Variants in CFAP90 observed in about 807,000 individuals in gnomAD.
CFAP90 encodes cilia and flagella associated protein 90, also known as cilia- and flagella-associated protein 90.
chr5:7,842,056 G>C, the CFAP90 span, among the ~76,000 whole-genome samples: 6 of 152,096 alleles, frequency 3.9e-5, no homozygotes, highest in African/African-American at 1.4e-4. Context: ...AGAAATTTCT[G>C]TTGTTTTAAG....
chr5:7,835,962 T>C, the CFAP90 span, among the ~76,000 whole-genome samples: 2 of 152,200 alleles, frequency 1.3e-5, no homozygotes, highest in South Asian at 2.1e-4. Flanking sequence ...CCCTGTGAGA[T>C]TGGGTGTCAG....
the CFAP90 span, among the ~76,000 whole-genome samples, chr5:7,842,058 T>C: frequency 6.6e-6 from 1 of 152,120 alleles, no homozygotes; most frequent in Non-Finnish European, 1.5e-5. Context: ...AAATTTCTGT[T>C]GTTTTAAGCC....
At chr5:7,843,642 C>G in the CFAP90 span, among the ~76,000 whole-genome samples, 1 of 152,150 alleles carries the variant, frequency 6.6e-6, no homozygotes, top group Non-Finnish European at 1.5e-5. Flanking sequence ...CAGCTCCCTA[C>G]TCACCCCTCA....
the CFAP90 span, among the ~76,000 whole-genome samples, chr5:7,833,839 C>T: frequency 6.6e-6 from 1 of 152,270 alleles, no homozygotes; most frequent in Non-Finnish European, 1.5e-5. Flanking sequence ...AAATTCCTAT[C>T]ACCTAAGGAT....
At chr5:7,843,824 T>C in the CFAP90 span, among the ~76,000 whole-genome samples, 1 of 152,212 alleles carries the variant, frequency 6.6e-6, no homozygotes, top group African/African-American at 2.4e-5. Context: ...AAAACTAAGA[T>C]ATGTTATTAA....
chr5:7,832,988 G>A, the CFAP90 span, among the ~76,000 whole-genome samples: 14 of 152,292 alleles, frequency 9.2e-5, no homozygotes, highest in Admixed American at 3.9e-4. Context: ...TTTCTGCTCC[G>A]CAAGACCAAC....
chr5:7,832,702 G>C, the CFAP90 span, among the ~76,000 whole-genome samples: 1 of 152,032 alleles, frequency 6.6e-6, no homozygotes, highest in African/African-American at 2.4e-5. Flanking sequence ...TGACCAGGCT[G>C]GTCTCGAACT....
the CFAP90 span, among the ~76,000 whole-genome samples, chr5:7,848,817 T>A: frequency 1.3e-5 from 2 of 152,200 alleles, no homozygotes; most frequent in African/African-American, 4.8e-5. Flanking sequence ...CACTGTGCAC[T>A]CATTCCTCTT....
At chr5:7,845,183 T>C in the CFAP90 span, among the ~76,000 whole-genome samples, 1 of 152,080 alleles carries the variant, frequency 6.6e-6, no homozygotes, top group East Asian at 1.9e-4. Flanking sequence ...CTTACTATCA[T>C]GAGAACAGCA....
At chr5:7,843,902 TA>T in the CFAP90 span, among the ~76,000 whole-genome samples, 1 of 152,120 alleles carries the variant, frequency 6.6e-6, no homozygotes, top group Non-Finnish European at 1.5e-5. Context: ...TGTTCTTGTA[TA>T]AAAAACATTA....
At chr5:7,831,602 AGCTG>A in the CFAP90 span, 2 of 380,630 alleles carry the variant, frequency 5.3e-6, no homozygotes, top group African/African-American at 4.0e-5. Context: ...AAATAATTCC[AGCTG>A]AAAATCATCA....
the CFAP90 span, among the ~76,000 whole-genome samples, chr5:7,844,056 C>T: frequency 3.9e-5 from 6 of 152,162 alleles, no homozygotes; most frequent in Admixed American, 3.9e-4. Context: ...ATGCCTGCCT[C>T]CCCTTTCACT....
chr5:7,849,025 C>T, the CFAP90 span, among the ~76,000 whole-genome samples: 2 of 152,158 alleles, frequency 1.3e-5, no homozygotes, highest in African/African-American at 4.8e-5. Context: ...CCAAATTTCC[C>T]CTTTTCTCAA....
chr5:7,842,312 AG>A, the CFAP90 span, among the ~76,000 whole-genome samples: 15 of 84,068 alleles, frequency 1.8e-4, no homozygotes, highest in Admixed American at 1.1e-3. Context: ...TCTACAAGAA[AG>A]AAAAAAAAAA....
the CFAP90 span, among the ~76,000 whole-genome samples, chr5:7,846,938 T>A: frequency 6.6e-6 from 1 of 151,976 alleles, no homozygotes; most frequent in African/African-American, 2.4e-5. Flanking sequence ...ATAGATGGGG[T>A]TTCACCACGT....
the CFAP90 span, among the ~76,000 whole-genome samples, chr5:7,847,256 T>C: frequency 6.6e-6 from 1 of 152,232 alleles, no homozygotes; most frequent in Non-Finnish European, 1.5e-5. Flanking sequence ...GCTGTTTTAA[T>C]TTAGATGTTA....
chr5:7,841,362 TC>T, the CFAP90 span, among the ~76,000 whole-genome samples: 1 of 152,156 alleles, frequency 6.6e-6, no homozygotes, highest in African/African-American at 2.4e-5. Context: ...AAGGAATGCT[TC>T]TACACTGTTG....
the CFAP90 span, among the ~76,000 whole-genome samples, chr5:7,847,055 T>C: frequency 6.6e-6 from 1 of 152,128 alleles, no homozygotes; most frequent in African/African-American, 2.4e-5. Flanking sequence ...TGTAACTGAG[T>C]TCTCTAGAAA....
At chr5:7,849,299 G>A in the CFAP90 span, among the ~76,000 whole-genome samples, 5 of 152,152 alleles carry the variant, frequency 3.3e-5, no homozygotes, top group African/African-American at 1.2e-4. Flanking sequence ...CAGTCAGAAG[G>A]GGAATTTATT....
Sources: gnomAD v4.1 joint callset for allele counts (sites outside exome capture counted in the v4.1 genomes callset) on GRCh38, gnomAD v4.1.1 for gene constraint, MANE v1.5 for transcripts, NCBI Gene and HGNC (gene_info 2026-07-23, HGNC 2026-07-21) for gene names.